Variants in BCAR3 observed in about 807,000 individuals in gnomAD.
BCAR3 encodes breast cancer anti-estrogen resistance protein 3.
Under a neutral mutation model 80.1 loss-of-function variants are expected in BCAR3, and 37 were observed. That is an observed-to-expected ratio of 0.46 (90% CI 0.36 to 0.61). BCAR3 has a LOEUF of 0.61. BCAR3 is among the 20% of genes least tolerant of loss of function. The pLI is 0.00. For synonymous variants in BCAR3, 389 were observed against 418.9 expected (o/e 0.93, Z 0.87); for missense variants, 978 against 1,068.2 (o/e 0.92, Z 1.18).
At chr1:93,810,965 T>C (rs1176220304) in intron 2 of BCAR3, among the ~76,000 whole-genome samples, 1 of 152,222 alleles carries the variant, frequency 6.6e-6, no homozygotes, top group Non-Finnish European at 1.5e-5. Context: ...CCAGTGTCTT[T>C]TGTCTCTACC....
intron 1 of BCAR3, among the ~76,000 whole-genome samples, chr1:93,679,099 C>T (rs2101952781): frequency 6.6e-6 from 1 of 152,270 alleles, no homozygotes; most frequent in African/African-American, 2.4e-5. Context: ...AGCTGTATGG[C>T]CTGGGACAAG....
In BCAR3 at chr1:93,642,426, C is replaced by T. The variant is rs184967821; in HGVS notation, c.318-83G>A. On this transcript the variant is annotated intron_variant, in intron 2 of 11. Transcript: ENST00000260502. ...GTATAATGTGTCCAACATTATTTCA[C>T]CCTATTCACTAAGTTACTAAGCTGG... 2.0e-4 allele frequency: 264 copies of T among 1,338,378 alleles called. 2 individuals are homozygous for T. In the East Asian group the frequency reaches 6.0e-3, roughly 31 times the overall value. The allele number at this position is 1,338,378 out of a possible 1,614,324, so 82.9% of individuals were successfully genotyped here.
chr1:93,647,267 C>T (rs752070867), intron 2 of BCAR3, among the ~76,000 whole-genome samples: 2 of 152,104 alleles, frequency 1.3e-5, no homozygotes, highest in Non-Finnish European at 2.9e-5. Context: ...AATGCCCCTC[C>T]CACAGAATCA....
At chr1:93,563,008 T>C (rs1553224973) in intron 11 of BCAR3, among the ~76,000 whole-genome samples, 1 of 152,128 alleles carries the variant, frequency 6.6e-6, no homozygotes, top group Non-Finnish European at 1.5e-5. Flanking sequence ...CTGTGGGAAG[T>C]AGTGCTGTGG....
At chr1:93,836,396 T>C (rs1332200654) in intron 2 of BCAR3, among the ~76,000 whole-genome samples, 1 of 151,460 alleles carries the variant, frequency 6.6e-6, no homozygotes, top group Admixed American at 6.5e-5. Context: ...TTCTCTTATT[T>C]GGACCTCGTG....
chr1:93,823,187 C>G (rs1028575215), intron 2 of BCAR3, among the ~76,000 whole-genome samples: 2 of 133,716 alleles, frequency 1.5e-5, no homozygotes, highest in African/African-American at 2.5e-5. Flanking sequence ...CTCAATTAAC[C>G]TACCAGGAGG....
chr1:93,722,080 C>T (rs1298020457), intron 2 of BCAR3, among the ~76,000 whole-genome samples: 3 of 152,198 alleles, frequency 2.0e-5, no homozygotes. Flanking sequence ...GGGGACTGGC[C>T]ATCCTGCAGC....
At chr1:93,614,937 A>T (rs193221216) in intron 3 of BCAR3, among the ~76,000 whole-genome samples, 1 of 151,944 alleles carries the variant, frequency 6.6e-6, no homozygotes, top group African/African-American at 2.4e-5. Context: ...CAAGAGCCAC[A>T]TAACACCTTT....
intron 2 of BCAR3, among the ~76,000 whole-genome samples, chr1:93,742,266 T>C (rs1651205180): frequency 6.6e-6 from 1 of 152,206 alleles, no homozygotes. Flanking sequence ...TTATGCCTCC[T>C]GCTATAATCC....
At chr1:93,846,861 C>T (rs765983578) in intron 1 of BCAR3, 8 of 482,840 alleles carry the variant, frequency 1.7e-5, no homozygotes, top group Non-Finnish European at 3.4e-5. Flanking sequence ...TCCACCAGAG[C>T]CCGGATACCT....
chr1:93,808,323 C>T (rs1432121649), intron 2 of BCAR3, among the ~76,000 whole-genome samples: 7 of 152,072 alleles, frequency 4.6e-5, no homozygotes, highest in Non-Finnish European at 8.8e-5. Flanking sequence ...TAGATGCTAA[C>T]AGATTCCAGA....
chr1:93,814,962 A>G (rs1653965683), intron 2 of BCAR3, among the ~76,000 whole-genome samples: 1 of 152,132 alleles, frequency 6.6e-6, no homozygotes, highest in African/African-American at 2.4e-5. Context: ...GTGCACCCCC[A>G]CACATTCCTT....
chr1:93,768,408 T>A (rs1014521466), intron 2 of BCAR3, among the ~76,000 whole-genome samples: 1 of 152,144 alleles, frequency 6.6e-6, no homozygotes, highest in Non-Finnish European at 1.5e-5. Context: ...GAGTTCAAAG[T>A]GTGTGGTAGA....
At chr1:93,710,361 C>T (rs1278257217) in intron 2 of BCAR3, among the ~76,000 whole-genome samples, 2 of 152,196 alleles carry the variant, frequency 1.3e-5, no homozygotes, top group Non-Finnish European at 2.9e-5. Flanking sequence ...GCTACGTCTC[C>T]CTTTGCCTCT....
At chr1:93,745,408 C>T (rs12410106) in intron 2 of BCAR3, among the ~76,000 whole-genome samples, 17,870 of 152,248 alleles carry the variant, frequency 0.12, 1,477 homozygotes, top group African/African-American at 0.22. Context: ...TGCTTTGTCA[C>T]AGGCCCTTGT....
rs542979877 is a variant in BCAR3, at chr1:93,658,091, C to T, written c.318-15748G>A. Among the ~76,000 whole-genome samples the T allele has an allele frequency of 4.6e-5, 7 of 152,180 alleles. No homozygotes were observed. In the East Asian group the frequency reaches 9.7e-4, roughly 21 times the overall value. On this transcript the variant is annotated intron_variant, in intron 2 of 11. Coordinates refer to ENST00000260502, the MANE Select transcript of BCAR3 (RefSeq NM_003567.4). ...GAGTAGCTGGGATTACAGGTGCCCACCACCACGCCCAGCTAATTTTTGTAT... is the reference window on the plus strand; with the variant it reads ...GAGTAGCTGGGATTACAGGTGCCCATCACCACGCCCAGCTAATTTTTGTAT...
intron 1 of BCAR3, 45 bp downstream of exon 1, chr1:93,681,553 G>A (rs1200722493): frequency 2.0e-5 from 3 of 152,232 alleles, no homozygotes; most frequent in South Asian, 4.1e-4. Flanking sequence ...GGCGCCCCGG[G>A]AGGAACAGCA....
At chr1:93,660,106 T>C (rs143437432) in intron 2 of BCAR3, among the ~76,000 whole-genome samples, 34 of 152,100 alleles carry the variant, frequency 2.2e-4, no homozygotes, top group Admixed American at 2.2e-3. Flanking sequence ...GCGGAAGACC[T>C]AGACCTTCCT....
At chr1:93,742,424 C>T (rs1444059212) in intron 2 of BCAR3, among the ~76,000 whole-genome samples, 3 of 152,292 alleles carry the variant, frequency 2.0e-5, no homozygotes, top group East Asian at 3.9e-4. Flanking sequence ...TGACTAGGTG[C>T]TAATAGTTTC....
Sources: gnomAD v4.1 joint callset for allele counts (sites outside exome capture counted in the v4.1 genomes callset) on GRCh38, gnomAD v4.1.1 for gene constraint, MANE v1.5 for transcripts, NCBI Gene and HGNC (gene_info 2026-07-23, HGNC 2026-07-21) for gene names.